PGAM5: variants seen among roughly 807,000 people sequenced by gnomAD.
The protein encoded by PGAM5 is serine/threonine-protein phosphatase PGAM5, mitochondrial.
PGAM5 carries 25 observed loss-of-function variants against 30.6 expected under a neutral mutation model. That is an observed-to-expected ratio of 0.82 (90% CI 0.60 to 1.14). The LOEUF is 1.14. Among genes scored for constraint, PGAM5 ranks in the 50% most tolerant of loss-of-function variants. The probability of loss-of-function intolerance (pLI) is 0.00; values close to 1 mark genes in which losing one functional copy is unlikely to be tolerated. For missense variants in PGAM5, 384 were observed against 408.5 expected, an observed-to-expected ratio of 0.94 and a Z score of 0.52; for synonymous variants, 201 against 179.1, an observed-to-expected ratio of 1.12 and a Z score of -0.98.
intron 5 of PGAM5, among the ~76,000 whole-genome samples, chr12:132,720,260 C>T (rs1350458729): frequency 6.6e-6 from 1 of 150,912 alleles, no homozygotes; most frequent in Non-Finnish European, 1.5e-5. Context: ...CCCCCTGGCA[C>T]AGCCTGGCCC....
At position 132,715,102 on chromosome 12, in the gene PGAM5, C is replaced by T. The variant is rs566970478; in HGVS notation, c.370+66C>T. On this transcript the variant is annotated intron_variant, in intron 2 of 5. Transcript: ENST00000498926. ...ATGTGGCCAGGTGCATATCTGCTGGCGCCTTGGTTATGTGACTGGGTGCAG... is the reference window on the plus strand; with the variant it reads ...ATGTGGCCAGGTGCATATCTGCTGGTGCCTTGGTTATGTGACTGGGTGCAG... 154 of 1,397,806 alleles carry T rather than the reference C, an allele frequency of 1.1e-4. 2 individuals carry two copies. In the South Asian group the frequency reaches 1.2e-3, roughly 11 times the overall value. The allele number at this position is 1,397,806 out of a possible 1,614,324, so 86.6% of individuals were successfully genotyped here. A position where few individuals can be genotyped will look rare whatever the true frequency, so the allele number is the denominator to read the frequency against.
intron 5 of PGAM5, among the ~76,000 whole-genome samples, chr12:132,720,459 T>A (rs962654866): frequency 2.0e-5 from 3 of 152,048 alleles, no homozygotes; most frequent in African/African-American, 2.4e-5. Context: ...AGGTGCCTGC[T>A]ATCACGCCCA....
At chr12:132,711,217 G>C (rs2043518651) in intron 1 of PGAM5, 150 bp downstream of exon 1, 1 of 586,194 alleles carries the variant, frequency 1.7e-6, no homozygotes, top group Non-Finnish European at 2.4e-6. Context: ...GCCGCTTTCC[G>C]GGGCCGCTCT....
chr12:132,720,254 C>T (rs1306715308), intron 5 of PGAM5, among the ~76,000 whole-genome samples: 1 of 151,168 alleles, frequency 6.6e-6, no homozygotes, highest in Non-Finnish European at 1.5e-5. Context: ...ACAGAGCCCC[C>T]TGGCACAGCC....
intron 5 of PGAM5, chr12:132,718,890 C>G (rs550310012): frequency 3.2e-5 from 51 of 1,605,152 alleles, no homozygotes; most frequent in South Asian, 2.2e-4. Context: ...CCCTCTGGGT[C>G]GAGGCCACAG....
intron 1 of PGAM5, among the ~76,000 whole-genome samples, chr12:132,714,040 C>T (rs1326636790): frequency 3.9e-5 from 6 of 152,098 alleles, no homozygotes; most frequent in Admixed American, 2.0e-4. Flanking sequence ...TTTTCTGAGG[C>T]GGAGTCTCAC....
At chr12:132,715,086 G>A in intron 2 of PGAM5, 50 bp downstream of exon 2, 1 of 1,439,324 alleles carries the variant, frequency 6.9e-7, no homozygotes, top group Non-Finnish European at 9.2e-7. Context: ...TATGTGGCCA[G>A]GTGCATATCT....
intron 5 of PGAM5, chr12:132,719,235 G>C: frequency 8.8e-7 from 1 of 1,136,168 alleles, no homozygotes; most frequent in South Asian, 2.0e-5. Context: ...GCCCTCTTGA[G>C]TGTGACGAGT....
chr12:132,714,862 G>A lies in PGAM5; in HGVS notation c.196G>A (p.Glu66Lys). 6.2e-7 allele frequency: 1 copy of A among 1,613,636 alleles called. No individual in the cohort carries two copies. Among genetic ancestry groups the A allele is most frequent in the Non-Finnish European group, 8.5e-7 (1 of 1,179,924 alleles). ...GVWDPNWDRR[E>K]PLSLINVRKR... ...TATCTTGTATTTCAACATCAGGCGA[G>A]AACCACTGTCTCTGATCAACGTGCG... Residue 66 changes from glutamate to lysine, a missense_variant, in exon 2 of 6, where the codon GAA becomes AAA. Glu to Lys is a moderately conservative substitution (Grantham distance 56). Transcript: ENST00000498926.
intron 5 of PGAM5, chr12:132,719,158 T>C (rs1277513883): frequency 3.2e-5 from 40 of 1,251,994 alleles, no homozygotes; most frequent in Non-Finnish European, 4.0e-5. Flanking sequence ...AAATGCAAAT[T>C]TGAAACAAAT....
chr12:132,710,915 G>A lies in PGAM5; in HGVS notation c.39G>A (p.Gly13=). The change falls in exon 1 of 6, where the codon GGG becomes GGA. Residue 13 remains glycine, a synonymous_variant. Coordinates refer to ENST00000498926, the MANE Select transcript of PGAM5 (RefSeq NM_001170543.2). ...FRQALQLAAC[G]LAGGSAAVLF... ...AGGCGCTGCAGCTGGCGGCCTGCGG[G>A]CTGGCCGGGGGCTCGGCCGCCGTGC... 2.6e-6 allele frequency: 3 copies of A among 1,152,954 alleles called. No individual in the cohort carries two copies. The highest frequency in any genetic ancestry group is 4.3e-5 in the East Asian group (1 of 23,264). 71.4% of individuals were successfully genotyped at this position (1,152,954 alleles called of 1,614,324 possible).
At position 132,717,989 on chromosome 12, in the gene PGAM5, G is replaced by C. The variant is rs1403683707; in HGVS notation, c.588G>C (p.Gln196His). The C allele has an allele frequency of 6.2e-7, 1 of 1,612,740 alleles. No homozygotes were observed. The change falls in exon 5 of 6, where the codon CAG (glutamine) becomes CAC (histidine). Residue 196 changes from glutamine (Q) to histidine (H), a missense_variant and splice_region_variant. Transcript: ENST00000498926. ...ACGGCTCCTCACTCTGCCCCCAGCA[G>C]TATTACGAAGACGGAGCCCGGATCG... The part of the protein sequence containing the change: ...PVSHWKPEAV[Q>H]YYEDGARIEA...
chr12:132,717,861 T>A, intron 4 of PGAM5, 63 bp downstream of exon 4: 1 of 1,589,976 alleles, frequency 6.3e-7, no homozygotes. Flanking sequence ...GCGGCCCTGC[T>A]GGGCTCACCA....
At chr12:132,713,010 A>C (rs1031901750) in intron 1 of PGAM5, among the ~76,000 whole-genome samples, 8 of 152,100 alleles carry the variant, frequency 5.3e-5, no homozygotes, top group Middle Eastern at 3.4e-3. Context: ...ATACAAAAAA[A>C]TTAGCCAGGC....
At chr12:132,716,293 G>C (rs2043576776) in intron 2 of PGAM5, among the ~76,000 whole-genome samples, 1 of 152,014 alleles carries the variant, frequency 6.6e-6, no homozygotes, top group Non-Finnish European at 1.5e-5. Context: ...CACCGTGTTA[G>C]CCAGGATGGT....
Position 132,720,751 on chromosome 12 carries a change from C to A in PGAM5, c.793C>A (p.Arg265=). 6.5e-7 allele frequency: 1 copy of A among 1,536,336 alleles called. No homozygotes were observed. The highest frequency in any genetic ancestry group is 1.2e-5 in the South Asian group (1 of 84,050). Reference sequence around the variant, plus strand: ...TGGCAGCATCACCCACCTGGTGATCCGACCCAACGGCCGAGTTGCGCTCAG... The same window carrying A: ...TGGCAGCATCACCCACCTGGTGATCAGACCCAACGGCCGAGTTGCGCTCAG... ...NNGSITHLVI[R]PNGRVALRTL... Residue 265 remains arginine (R), a synonymous_variant, in exon 6 of 6, where the codon CGA becomes AGA. Coordinates refer to ENST00000498926, the MANE Select transcript of PGAM5 (RefSeq NM_001170543.2).
intron 2 of PGAM5, among the ~76,000 whole-genome samples, chr12:132,716,470 C>T (rs1465874910): frequency 6.6e-6 from 1 of 151,914 alleles, no homozygotes; most frequent in African/African-American, 2.4e-5. Context: ...ACCTCGTAAT[C>T]CGCCCGCCTT....
At chr12:132,717,377 G>C in intron 2 of PGAM5, 62 bp from the exon 3 acceptor site, 1 of 1,566,964 alleles carries the variant, frequency 6.4e-7, no homozygotes. Context: ...GGCGGAGGAG[G>C]GGGTGTTTGA....
rs1394806434 is a variant in PGAM5, at chr12:132,717,974, A to G, written c.586-13A>G. 1 of 1,612,174 alleles carries G rather than the reference A, an allele frequency of 6.2e-7. No individual in the cohort carries two copies. Among genetic ancestry groups the G allele is most frequent in the African/African-American group, 1.3e-5 (1 of 74,896 alleles). On this transcript the variant is annotated splice_polypyrimidine_tract_variant and intron_variant, in intron 4 of 5. Transcript: ENST00000498926. ...AGCACTTCCGCACTGACGGCTCCTC[A>G]CTCTGCCCCCAGCAGTATTACGAAG...
Sources: gnomAD v4.1 joint callset for allele counts (sites outside exome capture counted in the v4.1 genomes callset) on GRCh38, gnomAD v4.1.1 for gene constraint, MANE v1.5 for transcripts, NCBI Gene and HGNC (gene_info 2026-07-23, HGNC 2026-07-21) for gene names.